LRP1B: variants seen among roughly 807,000 people sequenced by gnomAD.
LRP1B encodes the protein low-density lipoprotein receptor-related protein 1B.
Under a neutral mutation model 556.6 loss-of-function variants are expected in LRP1B, and 217 were observed. That is an observed-to-expected ratio of 0.39 (90% CI 0.35 to 0.44). The LOEUF (loss-of-function observed/expected upper bound fraction) is 0.44. LRP1B is among the 20% of genes least tolerant of loss of function. LRP1B has a pLI of 1.00. For missense variants in LRP1B, 5,053 were observed against 5,620.8 expected (o/e 0.90, Z 3.23); for synonymous variants, 2,047 against 1,865.8 (o/e 1.10, Z -2.50).
intron 21 of LRP1B, among the ~76,000 whole-genome samples, chr2:140,918,199 T>A (rs902917050): frequency 1.3e-5 from 2 of 151,678 alleles, no homozygotes; most frequent in Admixed American, 6.6e-5. Flanking sequence ...TGTGTGTGTG[T>A]GTGTGTGTGT....
chr2:141,159,273 T>G (rs1379048715), intron 7 of LRP1B, among the ~76,000 whole-genome samples: 1 of 152,194 alleles, frequency 6.6e-6, no homozygotes, highest in Non-Finnish European at 1.5e-5. Flanking sequence ...AATTTTACAG[T>G]TGATTAGCCT....
intron 3 of LRP1B, among the ~76,000 whole-genome samples, chr2:141,366,249 T>C (rs1339334991): frequency 6.6e-6 from 1 of 152,220 alleles, no homozygotes; most frequent in Non-Finnish European, 1.5e-5. Flanking sequence ...AGGTTACTTG[T>C]GTTTATCAAC....
At chr2:141,178,012 C>A (rs1193629775) in intron 7 of LRP1B, among the ~76,000 whole-genome samples, 1 of 152,068 alleles carries the variant, frequency 6.6e-6, no homozygotes, top group African/African-American at 2.4e-5. Flanking sequence ...TAGAATATAA[C>A]TTTAAATATG....
chr2:141,405,520 C>T lies in LRP1B; in HGVS notation c.343+74876G>A, dbSNP rs1485153656. On this transcript the variant is annotated intron_variant, in intron 3 of 90. Transcript: ENST00000389484. ...ATACCTTTAGTAGTCAAATTAGACA[C>T]ACACTATGCTTTTTGTAGTCTGGGT... 2.0e-5 allele frequency among the ~76,000 whole-genome samples: 3 copies of T among 152,090 alleles called. No individual in the cohort carries two copies. In the East Asian group the frequency reaches 5.8e-4, roughly 29 times the overall value.
At chr2:142,005,422 T>C (rs1702771519) in intron 1 of LRP1B, among the ~76,000 whole-genome samples, 1 of 152,156 alleles carries the variant, frequency 6.6e-6, no homozygotes, top group African/African-American at 2.4e-5. Context: ...TGGATCCTGT[T>C]CTATTACCAG....
chr2:141,425,845 A>G (rs13420580), intron 3 of LRP1B, among the ~76,000 whole-genome samples: 36,488 of 148,412 alleles, frequency 0.25, 4,133 homozygotes, highest in African/African-American at 0.31. Flanking sequence ...AGTAGGTTGC[A>G]AAATTTTTCT....
At chr2:140,510,166 G>T (rs1253408041) in intron 51 of LRP1B, 110 bp from the exon 52 acceptor site, 2 of 1,146,846 alleles carry the variant, frequency 1.7e-6, no homozygotes, top group Non-Finnish European at 2.5e-6. Context: ...TTGCTTATAA[G>T]GAGGCGATTG....
intron 3 of LRP1B, among the ~76,000 whole-genome samples, chr2:141,390,503 T>C (rs1573891115): frequency 6.6e-6 from 1 of 152,240 alleles, no homozygotes. Context: ...ATCAGCATTG[T>C]TGGCATTATG....
intron 41 of LRP1B, among the ~76,000 whole-genome samples, chr2:140,697,329 C>A (rs1356444101): frequency 1.3e-5 from 2 of 152,038 alleles, no homozygotes; most frequent in South Asian, 2.1e-4. Context: ...CACTCACAAC[C>A]CTTACAGTTC....
chr2:141,736,720 C>A (rs1693479717), intron 2 of LRP1B, among the ~76,000 whole-genome samples: 1 of 152,136 alleles, frequency 6.6e-6, no homozygotes, highest in Non-Finnish European at 1.5e-5. Context: ...AGATGATCAT[C>A]TTTGAACTTT....
rs187108800 is a variant in LRP1B at position 141,435,185 on chromosome 2, A to G, written c.343+45211T>C. On this transcript the variant is annotated intron_variant, in intron 3 of 90. Transcript: ENST00000389484. ...AGTCAACCCTGGGTCAAAGTAGCTT[A>G]TTGTTTATATATTTTGTTTTTTGGT... Among the ~76,000 whole-genome samples the G allele has an allele frequency of 1.6e-3, 242 of 152,206 alleles. 1 individual carries two copies. The highest frequency in any genetic ancestry group is 2.8e-3 in the Non-Finnish European group (190 of 67,980).
At chr2:141,258,088 T>G (rs758063426) in intron 3 of LRP1B, among the ~76,000 whole-genome samples, 59 of 152,332 alleles carry the variant, frequency 3.9e-4, no homozygotes, top group African/African-American at 4.1e-4. Context: ...AGACCACTTG[T>G]ATCTCAGGGA....
chr2:141,235,179 C>G (rs1274018104), intron 5 of LRP1B, among the ~76,000 whole-genome samples: 1 of 151,920 alleles, frequency 6.6e-6, no homozygotes, highest in Non-Finnish European at 1.5e-5. Flanking sequence ...TACAATTTAT[C>G]TTAGCACTAC....
intron 89 of LRP1B, 121 bp downstream of exon 89, chr2:140,238,031 T>G: frequency 1.2e-6 from 1 of 803,648 alleles, no homozygotes; most frequent in Non-Finnish European, 1.9e-6. Context: ...ATTCAATACA[T>G]CCTAAAGTCC....
intron 16 of LRP1B, among the ~76,000 whole-genome samples, chr2:140,990,971 T>C (rs1322756563): frequency 6.6e-6 from 1 of 152,184 alleles, no homozygotes; most frequent in Non-Finnish European, 1.5e-5. Context: ...AAACAGTTTT[T>C]CTTTAAAGTA....
chr2:140,383,293 C>CATGT (rs1553457406), intron 67 of LRP1B, among the ~76,000 whole-genome samples: 19 of 145,654 alleles, frequency 1.3e-4, no homozygotes, highest in South Asian at 4.3e-4. Flanking sequence ...CAGTGATGTG[C>CATGT]GTGTGTGTGT....
At chr2:141,463,166 G>A (rs4605311) in intron 3 of LRP1B, among the ~76,000 whole-genome samples, 59,682 of 151,826 alleles carry the variant, frequency 0.39, 11,893 homozygotes, top group Non-Finnish European at 0.42. Context: ...GTAGTACTTT[G>A]GTTGAATGCA....
chr2:140,599,447 T>C (rs972207248), intron 42 of LRP1B, among the ~76,000 whole-genome samples: 3 of 152,092 alleles, frequency 2.0e-5, no homozygotes, highest in African/African-American at 7.2e-5. Context: ...TCCTTCAGCA[T>C]AGTATCTGTT....
chr2:140,392,775 T>C (rs1314288446), intron 66 of LRP1B, among the ~76,000 whole-genome samples: 1 of 152,218 alleles, frequency 6.6e-6, no homozygotes, highest in Non-Finnish European at 1.5e-5. Context: ...CCAAAGGTTT[T>C]ATTTTAATCT....
Sources: gnomAD v4.1 joint callset for allele counts (sites outside exome capture counted in the v4.1 genomes callset) on GRCh38, gnomAD v4.1.1 for gene constraint, MANE v1.5 for transcripts, NCBI Gene and HGNC (gene_info 2026-07-23, HGNC 2026-07-21) for gene names.